ARHGEF28: variants seen among roughly 807,000 people sequenced by gnomAD.
The protein encoded by ARHGEF28 is Rho guanine nucleotide exchange factor 28.
ARHGEF28 carries 152 observed loss-of-function variants against 206.6 expected under a neutral mutation model. That is an observed-to-expected ratio of 0.74 (90% CI 0.64 to 0.84). ARHGEF28 has a LOEUF of 0.84. Among genes scored for constraint, ARHGEF28 ranks in the 40% least tolerant of loss-of-function variants. The pLI, the probability that ARHGEF28 is intolerant of heterozygous loss-of-function variation, is 0.00. For synonymous variants in ARHGEF28, 763 were observed against 776.4 expected, an observed-to-expected ratio of 0.98 and a Z score of 0.29; for missense variants, 2,028 against 2,073.2, an observed-to-expected ratio of 0.98 and a Z score of 0.42.
At chr5:73,857,599 G>A (rs1261025535) in intron 14 of ARHGEF28, 57 bp from the exon 15 acceptor site, 15 of 1,508,924 alleles carry the variant, frequency 9.9e-6, no homozygotes, top group African/African-American at 2.8e-5. Flanking sequence ...ACACACACAC[G>A]TATATGCTAT....
chr5:73,867,404 C>T (rs1476522039), intron 18 of ARHGEF28, among the ~76,000 whole-genome samples: 3 of 152,206 alleles, frequency 2.0e-5, no homozygotes, highest in Non-Finnish European at 4.4e-5. Flanking sequence ...GCTTCATTTG[C>T]CTGAGATCCT....
intron 2 of ARHGEF28, among the ~76,000 whole-genome samples, chr5:73,715,400 C>A (rs187213642): frequency 1.4e-3 from 206 of 152,256 alleles, no homozygotes; most frequent in African/African-American, 4.7e-3. Context: ...AGAGTTGAGC[C>A]TAGGTCATAT....
intron 14 of ARHGEF28, among the ~76,000 whole-genome samples, chr5:73,856,068 A>G (rs1458103584): frequency 1.3e-5 from 2 of 151,944 alleles, no homozygotes; most frequent in Non-Finnish European, 2.9e-5. Flanking sequence ...AAGGCCTTCT[A>G]AGAGAGGAGT....
intron 14 of ARHGEF28, among the ~76,000 whole-genome samples, chr5:73,853,764 C>T (rs1758847573): frequency 6.6e-6 from 1 of 152,132 alleles, no homozygotes; most frequent in African/African-American, 2.4e-5. Flanking sequence ...AAGCAATTTA[C>T]TTCCTCATTC....
rs1752663547 is a variant in ARHGEF28 at position 73,762,521 on chromosome 5, T to A, written c.475+9319T>A. On this transcript the variant is annotated intron_variant, in intron 4 of 35. Coordinates refer to ENST00000513042, the MANE Select transcript of ARHGEF28 (RefSeq NM_001177693.2). ...CTATTTTGAGCTTTTTATTCTTGTA[T>A]AAATTTTTCTTCACTACTCCCATCT... Among the ~76,000 whole-genome samples the A allele has an allele frequency of 2.0e-5, 3 of 151,122 alleles. No individual in the cohort carries two copies. In the South Asian group the frequency reaches 6.3e-4, roughly 32 times the overall value.
intron 20 of ARHGEF28, among the ~76,000 whole-genome samples, chr5:73,869,388 A>G (rs1478613464): frequency 6.6e-6 from 1 of 152,196 alleles, no homozygotes; most frequent in African/African-American, 2.4e-5. Context: ...AGTAAACAGT[A>G]CAAAATAACG....
At chr5:73,928,479 C>T (rs1351910529) in intron 35 of ARHGEF28, among the ~76,000 whole-genome samples, 1 of 152,036 alleles carries the variant, frequency 6.6e-6, no homozygotes, top group Non-Finnish European at 1.5e-5. Context: ...TTTAAGAAGT[C>T]TGGTAATAAC....
At chr5:73,848,472 T>C (rs1426927957) in intron 12 of ARHGEF28, among the ~76,000 whole-genome samples, 4 of 152,188 alleles carry the variant, frequency 2.6e-5, no homozygotes, top group African/African-American at 9.6e-5. Context: ...TATTTTTCCC[T>C]AAATGTTGCA....
At chr5:73,793,182 T>C (rs1754587345) in intron 7 of ARHGEF28, among the ~76,000 whole-genome samples, 1 of 152,216 alleles carries the variant, frequency 6.6e-6, no homozygotes, top group East Asian at 1.9e-4. Context: ...ATTACTTGCT[T>C]TCTGCAAAGC....
intron 20 of ARHGEF28, 84 bp downstream of exon 20, chr5:73,868,311 GC>G: frequency 1.4e-6 from 2 of 1,415,126 alleles, no homozygotes; most frequent in African/African-American, 1.5e-5. Context: ...TAAGATTGAA[GC>G]ATTTTTTTTT....
intron 16 of ARHGEF28, among the ~76,000 whole-genome samples, chr5:73,864,274 A>T (rs942604330): frequency 6.6e-6 from 1 of 152,200 alleles, no homozygotes; most frequent in African/African-American, 2.4e-5. Flanking sequence ...CCCATTGTTT[A>T]TGATATAAAA....
At chr5:73,838,268 T>A (rs1357817067) in intron 10 of ARHGEF28, among the ~76,000 whole-genome samples, 5 of 148,040 alleles carry the variant, frequency 3.4e-5, no homozygotes. Context: ...CTTTTTTTTT[T>A]ATAGCCCCTA....
intron 9 of ARHGEF28, among the ~76,000 whole-genome samples, chr5:73,814,565 C>T (rs915512679): frequency 3.9e-5 from 6 of 151,920 alleles, no homozygotes; most frequent in Admixed American, 2.0e-4. Flanking sequence ...TGTGCAGGGA[C>T]GCGTGTGCTT....
chr5:73,934,601 C>G (rs924262121), intron 35 of ARHGEF28, among the ~76,000 whole-genome samples: 1 of 152,180 alleles, frequency 6.6e-6, no homozygotes, highest in Non-Finnish European at 1.5e-5. Context: ...TTGTCTCTTT[C>G]TTAATCTTTA....
chr5:73,839,804 C>T (rs1382094563), intron 10 of ARHGEF28, among the ~76,000 whole-genome samples: 3 of 152,174 alleles, frequency 2.0e-5, no homozygotes, highest in African/African-American at 7.2e-5. Flanking sequence ...ATGCTATGTA[C>T]GTGCACTTTA....
chr5:73,803,874 C>T (rs892496531), intron 9 of ARHGEF28, among the ~76,000 whole-genome samples: 2 of 151,992 alleles, frequency 1.3e-5, no homozygotes, highest in Non-Finnish European at 2.9e-5. Context: ...ATCACCTGAG[C>T]TCACAAGTTC....
chr5:73,824,034 A>G (rs1361815627), intron 9 of ARHGEF28, among the ~76,000 whole-genome samples: 5 of 152,226 alleles, frequency 3.3e-5, no homozygotes, highest in African/African-American at 1.2e-4. Flanking sequence ...GGTGTTCCAG[A>G]GATGCTGACT....
rs965869106 is a variant in ARHGEF28, at chr5:73,856,000, G to T, written c.1791-1656G>T. On this transcript the variant is annotated intron_variant, in intron 14 of 35. Coordinates refer to ENST00000513042, the MANE Select transcript of ARHGEF28 (RefSeq NM_001177693.2). ...AACCATTCTTTAATTCCGATATTAG[G>T]TCTCCTCATCACTCTTCTCTTCTCT... 2.0e-5 allele frequency among the ~76,000 whole-genome samples: 3 copies of T among 152,120 alleles called. No individual in the cohort carries two copies. The East Asian group carries it at 5.8e-4, about 29-fold the overall frequency.
At chr5:73,643,595 G>A (rs901969535) in intron 1 of ARHGEF28, among the ~76,000 whole-genome samples, 4 of 152,008 alleles carry the variant, frequency 2.6e-5, no homozygotes, top group Non-Finnish European at 4.4e-5. Flanking sequence ...CAGGCGGATC[G>A]CTTGAACACA....
Sources: allele counts gnomAD v4.1 joint callset (sites outside exome capture counted in the v4.1 genomes callset), GRCh38; gene constraint gnomAD v4.1.1; transcripts MANE v1.5; gene names NCBI Gene and HGNC (gene_info 2026-07-23, HGNC 2026-07-21).